The following CSMD1 variants were observed in gnomAD, a reference collection of about 807,000 sequenced individuals.
CSMD1 encodes the protein CUB and Sushi multiple domains 1, also known as CUB and sushi domain-containing protein 1.
Under a neutral mutation model 417.5 loss-of-function variants are expected in CSMD1, and 213 were observed. That is an observed-to-expected ratio of 0.51 (90% CI 0.46 to 0.57). CSMD1 has a LOEUF of 0.57. Ranked by LOEUF, CSMD1 falls within the 20% of genes least tolerant of loss-of-function variation. The pLI is 0.00. For missense variants in CSMD1, 6,923 were observed against 4,529.7 expected (o/e 1.53, Z -15.17); for synonymous variants, 2,862 against 1,736.8 (o/e 1.65, Z -16.11).
chr8:4,338,654 C>T (rs1009145467), intron 3 of CSMD1, among the ~76,000 whole-genome samples: 2 of 152,072 alleles, frequency 1.3e-5, no homozygotes, highest in African/African-American at 2.4e-5. Context: ...ATAAAATGTG[C>T]TCACGGGTGA....
intron 3 of CSMD1, among the ~76,000 whole-genome samples, chr8:4,222,798 G>C (rs1438209956): frequency 3.3e-5 from 5 of 152,138 alleles, no homozygotes; most frequent in African/African-American, 1.2e-4. Context: ...AGGGCTGGTT[G>C]AGCTGACCTG....
chr8:3,275,129 G>T (rs150867821), intron 26 of CSMD1, among the ~76,000 whole-genome samples: 1 of 152,130 alleles, frequency 6.6e-6, no homozygotes, highest in Admixed American at 6.5e-5. Flanking sequence ...GCCTGGTAGT[G>T]ACAAAATCTC....
At chr8:4,295,777 T>TACACACAC (rs1797648101) in intron 3 of CSMD1, among the ~76,000 whole-genome samples, 1 of 91,074 alleles carries the variant, frequency 1.1e-5, no homozygotes, top group Non-Finnish European at 2.3e-5. Flanking sequence ...TATATATATA[T>TACACACAC]ATATATATAT....
chr8:3,535,381 T>C (rs1033024890), intron 10 of CSMD1, among the ~76,000 whole-genome samples: 1 of 152,114 alleles, frequency 6.6e-6, no homozygotes, highest in Non-Finnish European at 1.5e-5. Context: ...GAAATGGAAA[T>C]AAAAGTGTGA....
At chr8:3,176,012 G>C (rs986729848) in intron 37 of CSMD1, among the ~76,000 whole-genome samples, 2 of 152,046 alleles carry the variant, frequency 1.3e-5, no homozygotes, top group African/African-American at 2.4e-5. Flanking sequence ...ATTAGGTTTA[G>C]GATATTAATT....
rs77807637 is a variant in CSMD1, at chr8:3,981,508, A to G, written c.818+16395T>C. 8.3e-3 allele frequency among the ~76,000 whole-genome samples: 736 copies of G among 88,450 alleles called. 2 individuals are homozygous for G. The highest frequency in any genetic ancestry group is 0.027 in the African/African-American group (660 of 24,688). The allele number at this position is 88,450 out of a possible 152,430, so 58.0% of individuals were successfully genotyped here. On this transcript the variant is annotated intron_variant, in intron 5 of 69. Transcript: ENST00000635120. ...TAACTTATAGAAAAAAGTAAAAAAA[A>G]AAAAAAAAAAAAAAAAAGAACATAC...
At chr8:4,686,942 G>T (rs1181995374) in intron 1 of CSMD1, among the ~76,000 whole-genome samples, 1 of 152,186 alleles carries the variant, frequency 6.6e-6, no homozygotes, top group Non-Finnish European at 1.5e-5. Flanking sequence ...CTTGGAAGTG[G>T]AGGAGACACG....
chr8:3,824,808 G>A (rs1321923560), intron 5 of CSMD1, among the ~76,000 whole-genome samples: 1 of 152,008 alleles, frequency 6.6e-6, no homozygotes. Context: ...CTAAACTGAT[G>A]GATGAGCAAA....
At chr8:3,991,648 G>A (rs1164117012) in intron 5 of CSMD1, among the ~76,000 whole-genome samples, 2 of 152,164 alleles carry the variant, frequency 1.3e-5, no homozygotes, top group African/African-American at 4.8e-5. Flanking sequence ...CACTTTCTTT[G>A]TATGCACTAA....
At chr8:4,843,168 G>A (rs1039657792) in intron 1 of CSMD1, among the ~76,000 whole-genome samples, 2 of 151,992 alleles carry the variant, frequency 1.3e-5, no homozygotes, top group Non-Finnish European at 2.9e-5. Context: ...CTTCTTCCTG[G>A]GCAGGAACAT....
chr8:3,819,549 C>G (rs1364004576), intron 5 of CSMD1, among the ~76,000 whole-genome samples: 1 of 71,718 alleles, frequency 1.4e-5, no homozygotes, highest in African/African-American at 6.1e-5. Context: ...CACACACACA[C>G]ACACACACAC....
At chr8:4,883,274 T>A (rs1342393047) in intron 1 of CSMD1, among the ~76,000 whole-genome samples, 1 of 152,064 alleles carries the variant, frequency 6.6e-6, no homozygotes, top group African/African-American at 2.4e-5. Context: ...CTAATATAGA[T>A]ACAAGATAAA....
Position 3,565,215 on chromosome 8 carries a change from G to GATAGATAGATAGATAGAT in CSMD1, c.1344+9729_1344+9730insATCTATCTATCTATCTAT, listed in dbSNP as rs58029640. On this transcript the variant is annotated intron_variant, in intron 10 of 69. Transcript: ENST00000635120. ...ATAGATAGACAGATAGATAGATAGA[G>GATAGATAGATAGATAGAT]AGATAGACAGATAGATAGATTAATG... is the stretch of plus-strand genomic sequence containing the variant. Among the ~76,000 whole-genome samples, 524 of 139,278 alleles carry GATAGATAGATAGATAGAT rather than the reference G, an allele frequency of 3.8e-3. 5 individuals are homozygous for GATAGATAGATAGATAGAT. Among genetic ancestry groups the GATAGATAGATAGATAGAT allele is most frequent in the African/African-American group, 0.012 (468 of 37,856 alleles). 91.4% of individuals were successfully genotyped at this position (139,278 alleles called of 152,430 possible). A position where few individuals can be genotyped will look rare whatever the true frequency, so the allele number is the denominator to read the frequency against.
chr8:4,361,852 G>C (rs1016642774), intron 3 of CSMD1, among the ~76,000 whole-genome samples: 1 of 152,126 alleles, frequency 6.6e-6, no homozygotes, highest in African/African-American at 2.4e-5. Flanking sequence ...CTATTTGGGA[G>C]GCTAAGGCAG....
intron 3 of CSMD1, among the ~76,000 whole-genome samples, chr8:4,076,338 T>C (rs1406879288): frequency 6.6e-6 from 1 of 152,204 alleles, no homozygotes; most frequent in Non-Finnish European, 1.5e-5. Flanking sequence ...CAGAACTGTG[T>C]GTCAATCAAA....
intron 2 of CSMD1, among the ~76,000 whole-genome samples, chr8:4,510,531 C>G (rs956319522): frequency 6.6e-6 from 1 of 151,614 alleles, no homozygotes; most frequent in Non-Finnish European, 1.5e-5. Flanking sequence ...TGAGTCTCTT[C>G]CCTACTCAAA....
chr8:4,219,752 T>C (rs983071498), intron 3 of CSMD1, among the ~76,000 whole-genome samples: 1 of 152,168 alleles, frequency 6.6e-6, no homozygotes, highest in African/African-American at 2.4e-5. Flanking sequence ...ATGACTTCTT[T>C]TCCTGAAAAT....
chr8:3,819,404 A>G (rs1250187579), intron 5 of CSMD1, among the ~76,000 whole-genome samples: 1 of 152,132 alleles, frequency 6.6e-6, no homozygotes, highest in Non-Finnish European at 1.5e-5. Flanking sequence ...TCAAGTTTAC[A>G]TTAATATTTT....
chr8:3,142,411 A>T, intron 41 of CSMD1, 54 bp downstream of exon 41: 1 of 1,369,228 alleles, frequency 7.3e-7, no homozygotes. Context: ...AATACAATTT[A>T]CATGTAAGAA....
Sources: allele counts gnomAD v4.1 joint callset (sites outside exome capture counted in the v4.1 genomes callset), GRCh38; gene constraint gnomAD v4.1.1; transcripts MANE v1.5; gene names NCBI Gene and HGNC (gene_info 2026-07-23, HGNC 2026-07-21).